The following SCAP variants were observed in gnomAD, a reference collection of about 807,000 sequenced individuals.
SCAP encodes the protein SREBF chaperone.
In SCAP, 65 loss-of-function variants were observed where a neutral mutation model predicts 123.6. The ratio of observed to expected loss-of-function variants is 0.53; its 90% CI spans 0.43 to 0.65. The LOEUF (loss-of-function observed/expected upper bound fraction) is 0.65, where lower values mean the gene tolerates loss of function less well. Among genes scored for constraint, SCAP ranks in the 30% least tolerant of loss-of-function variants. SCAP has a pLI of 0.00. For synonymous variants in SCAP, 740 were observed against 726.3 expected, an observed-to-expected ratio of 1.02 and a Z score of -0.30; for missense variants, 1,398 against 1,712.5, an observed-to-expected ratio of 0.82 and a Z score of 3.24.
chr3:47,441,969 G>A (rs184152172), intron 2 of SCAP, among the ~76,000 whole-genome samples: 77 of 141,084 alleles, frequency 5.5e-4, no homozygotes, highest in Non-Finnish European at 1.6e-4. Context: ...CAGCCTCCCA[G>A]TGTTGGAATT....
In SCAP at chr3:47,420,543, G is replaced by C. The variant is rs754228428; in HGVS notation, c.1563+11C>G. 46 of 1,576,356 alleles carry C rather than the reference G, an allele frequency of 2.9e-5. 1 individual carries two copies. The Admixed American group carries it at 5.0e-4, about 17-fold the overall frequency. On this transcript the variant is annotated intron_variant, in intron 12 of 22. Transcript: ENST00000265565. This position sits in a 1 kb window ranked among gnomAD's most constrained non-coding sequence, Gnocchi z 5.0. ...CAGAAGAGGGCAGGGCAGGGCAGGG[G>C]TGGCAGGTACCATGATGAGGCGCTG...
chr3:47,438,221 C>A (rs1006131502), intron 2 of SCAP, among the ~76,000 whole-genome samples: 5 of 152,198 alleles, frequency 3.3e-5, no homozygotes, highest in African/African-American at 1.2e-4. Context: ...ATTTTAAATA[C>A]ATTTATTATG....
chr3:47,460,840 G>A (rs1707610229), intron 1 of SCAP, among the ~76,000 whole-genome samples: 1 of 152,224 alleles, frequency 6.6e-6, no homozygotes, highest in African/African-American at 2.4e-5. Context: ...ACAGGCGTGA[G>A]CCACTGCGCC....
Position 47,419,351 on chromosome 3 carries a change from A to G in SCAP, c.1917T>C (p.Tyr639=). 6.2e-7 allele frequency: 1 copy of G among 1,612,766 alleles called. No individual in the cohort carries two copies. The highest frequency in any genetic ancestry group is 1.1e-5 in the South Asian group (1 of 90,986). ...ACCTCTTGGCCAGTGTGATGTTGTAATAGCTGAAGAGCGTCGGCCAGTGGC... is the reference window on the plus strand; with the variant it reads ...ACCTCTTGGCCAGTGTGATGTTGTAGTAGCTGAAGAGCGTCGGCCAGTGGC... ...SFRHWPTLFS[Y]YNITLAKRYI... is the part of the protein sequence containing the mutation. The change falls in exon 13 of 23, where the codon TAT becomes TAC. Residue 639 remains tyrosine, a synonymous_variant. Transcript: ENST00000265565. This position sits in a 1 kb window ranked among gnomAD's most constrained non-coding sequence, Gnocchi z 5.0.
chr3:47,452,067 T>C (rs932521232), intron 1 of SCAP, among the ~76,000 whole-genome samples: 1 of 152,198 alleles, frequency 6.6e-6, no homozygotes, highest in Non-Finnish European at 1.5e-5. Context: ...CTTGACCATA[T>C]ATTTTCCAGT....
intron 1 of SCAP, among the ~76,000 whole-genome samples, chr3:47,452,379 A>G (rs184819786): frequency 2.6e-5 from 4 of 152,240 alleles, no homozygotes; most frequent in Non-Finnish European, 5.9e-5. Context: ...CACTTGTTGA[A>G]TAAGTGATGA....
chr3:47,420,422 G>A lies in SCAP; in HGVS notation c.1563+132C>T, dbSNP rs890691216. 29 of 801,386 alleles carry A rather than the reference G, an allele frequency of 3.6e-5. No individual in the cohort carries two copies. The highest frequency in any genetic ancestry group is 7.0e-5 in the African/African-American group (4 of 57,522). 49.6% of individuals were successfully genotyped at this position (801,386 alleles called of 1,614,324 possible). On this transcript the variant is annotated intron_variant, in intron 12 of 22. Transcript: ENST00000265565. This position sits in a 1 kb window ranked among gnomAD's most constrained non-coding sequence, Gnocchi z 5.0. ...GGAGGACACAACGGGCAACTCCCCA[G>A]AGCCAGGCTTCCAGGGGCCACCAGG...
chr3:47,419,123 G>A lies in SCAP; in HGVS notation c.1940+205C>T, dbSNP rs943579098. ...GTGGGTGGGTCTCATTCTGGTGAGG[G>A]CTGGCAGCCACCAGTGACTCCTCAG... is the stretch of plus-strand genomic sequence containing the variant. On this transcript the variant is annotated intron_variant, in intron 13 of 22. Transcript: ENST00000265565. The surrounding 1 kb of genome is among the most constrained non-coding windows in gnomAD (Gnocchi z 5.0). Among the ~76,000 whole-genome samples, 5 of 152,036 alleles carry A rather than the reference G, an allele frequency of 3.3e-5. No individual in the cohort carries two copies. The highest frequency in any genetic ancestry group is 4.8e-5 in the African/African-American group (2 of 41,462).
intron 2 of SCAP, among the ~76,000 whole-genome samples, chr3:47,441,129 T>C (rs1439414410): frequency 6.6e-6 from 1 of 152,108 alleles, no homozygotes; most frequent in African/African-American, 2.4e-5. Flanking sequence ...CTCGATCGCC[T>C]GACCTCGTGA....
rs1454264687 is a variant in SCAP at position 47,452,337 on chromosome 3, AAC to A, written c.-98-9248_-98-9247del. Among the ~76,000 whole-genome samples the A allele has an allele frequency of 2.0e-5, 3 of 152,254 alleles. No individual in the cohort carries two copies. The East Asian group carries it at 5.8e-4, about 29-fold the overall frequency. The stretch of plus-strand genomic sequence containing the variant: ...CCAGGAGTTTGATGCCAGCCTGGGC[AAC>A]ACAGTGAGACCCTGTCTCTGAAAAC... On this transcript the variant is annotated intron_variant, in intron 1 of 22. Coordinates refer to ENST00000265565, the MANE Select transcript of SCAP (RefSeq NM_012235.4).
chr3:47,418,547 G>A (rs770589028), intron 14 of SCAP, 25 bp from the exon 15 acceptor site: 4 of 1,571,848 alleles, frequency 2.5e-6, no homozygotes, highest in Admixed American at 3.7e-5. Flanking sequence ...GGACTGCTGT[G>A]AGACACACCT....
In SCAP at chr3:47,418,212, A is replaced by C; in HGVS notation, c.2369T>G (p.Val790Gly). ...ECLASDGMLLVSCCLAGHVCV... is the reference protein window; with the variant it reads ...ECLASDGMLLGSCCLAGHVCV... ...GACGTGGCCTGCCAGGCAGCAGCTC[A>C]CCAGCAGCATGCCGTCGCTGGCCAG... Residue 790 changes from valine to glycine, a missense_variant, in exon 16 of 23, where the codon GTG becomes GGG. Val to Gly is a moderately radical substitution (Grantham distance 109, BLOSUM62 -3). Transcript: ENST00000265565. The C allele has an allele frequency of 6.4e-7, 1 of 1,574,338 alleles. No homozygotes were observed.
In SCAP at chr3:47,439,578, T is replaced by A. The variant is rs1278083821; in HGVS notation, c.122+3294A>T. On this transcript the variant is annotated intron_variant, in intron 2 of 22. Transcript: ENST00000265565. The surrounding 1 kb of genome is among the most constrained non-coding windows in gnomAD (Gnocchi z 4.0). The stretch of plus-strand genomic sequence containing the variant: ...GCATCTGGGTGCTCTTTTTATCCCA[T>A]GGCGCACCCACTGCTTACCAGGGCA... Among the ~76,000 whole-genome samples, 2 of 152,176 alleles carry A rather than the reference T, an allele frequency of 1.3e-5. No individual in the cohort carries two copies. Among genetic ancestry groups the A allele is most frequent in the Non-Finnish European group, 2.9e-5 (2 of 68,024 alleles).
At chr3:47,437,191 G>A (rs1706611052) in intron 2 of SCAP, among the ~76,000 whole-genome samples, 1 of 152,160 alleles carries the variant, frequency 6.6e-6, no homozygotes, top group African/African-American at 2.4e-5. Context: ...TGTAATCCCA[G>A]CACTTTGGGA....
At chr3:47,454,129 T>A (rs951018620) in intron 1 of SCAP, among the ~76,000 whole-genome samples, 9 of 151,200 alleles carry the variant, frequency 6.0e-5, no homozygotes, top group East Asian at 2.0e-4. Context: ...GCACTTTGGG[T>A]GGCCGAGGCG....
chr3:47,417,594 C>G lies in SCAP; in HGVS notation c.2680G>C (p.Glu894Gln), dbSNP rs766168592. 2 of 1,598,148 alleles carry G rather than the reference C, an allele frequency of 1.3e-6. No homozygotes were observed. Among genetic ancestry groups the G allele is most frequent in the Middle Eastern group, 1.7e-4 (1 of 6,026 alleles). Reference protein sequence around the residue: ...QPRSSQPTQPEPRHRAVCGRS... With the variant: ...QPRSSQPTQPQPRHRAVCGRS... ...CCACAGACCGCCCGGTGCCGGGGCT[C>G]GGGCTGAGTGGGCTGTGAGGACCGA... The change falls in exon 17 of 23, where the codon GAG becomes CAG. Residue 894 changes from glutamate (E) to glutamine (Q), a missense_variant. Physicochemically the swap from Glu to Gln is conservative, Grantham distance 29 (BLOSUM62 2). Around this residue, in one of 7 missense-constraint regions of SCAP, gnomAD observed 828 missense variants for 882.5 expected, o/e 0.94. Coordinates refer to ENST00000265565, the MANE Select transcript of SCAP (RefSeq NM_012235.4).
At chr3:47,441,176 A>G (rs1368247308) in intron 2 of SCAP, among the ~76,000 whole-genome samples, 1 of 152,174 alleles carries the variant, frequency 6.6e-6, no homozygotes, top group Non-Finnish European at 1.5e-5. Flanking sequence ...CTGGGATTAC[A>G]GCCGTGAGCC....
chr3:47,417,846 A>AGTGAGAGGGGGCACGGCGGAGGGGG lies in SCAP; in HGVS notation c.2448-21_2448-20insCCCCCTCCGCCGTGCCCCCTCTCAC, dbSNP rs1559538928. 9.2e-7 allele frequency: 1 copy of AGTGAGAGGGGGCACGGCGGAGGGGG among 1,082,796 alleles called. No individual in the cohort carries two copies. The highest frequency in any genetic ancestry group is 1.6e-5 in the South Asian group (1 of 61,278). 67.1% of individuals were successfully genotyped at this position (1,082,796 alleles called of 1,614,324 possible). ...TGCCTGCTGGGGGCCAGGAGGGCGG[A>AGTGAGAGGGGGCACGGCGGAGGGGG]GTGAGAGGGGGCACGGGGGAGGGGG... is the stretch of plus-strand genomic sequence containing the variant. On this transcript the variant is annotated intron_variant, in intron 16 of 22. Transcript: ENST00000265565.
At position 47,418,486 on chromosome 3, in the gene SCAP, C is replaced by G. The variant is rs1455394069; in HGVS notation, c.2166G>C (p.Leu722Phe). ...GGTAGAGGCAGAGCAGCAGCAGCAC[C>G]AAGACGATGCCGGTGGCCAGGCCCA... ...AALGLATGIV[L>F]VLLLLCLYRV... The change falls in exon 15 of 23, where the codon TTG (leucine) becomes TTC (phenylalanine). Residue 722 changes from leucine (L) to phenylalanine (F), a missense_variant. By Grantham distance (22) the Leu-to-Phe change is conservative. Around this residue, in one of 7 missense-constraint regions of SCAP, gnomAD observed 828 missense variants for 882.5 expected, o/e 0.94. Coordinates refer to ENST00000265565, the MANE Select transcript of SCAP (RefSeq NM_012235.4). 2 of 1,600,122 alleles carry G rather than the reference C, an allele frequency of 1.2e-6. No individual in the cohort carries two copies. The highest frequency in any genetic ancestry group is 1.7e-5 in the Admixed American group (1 of 58,604).
Sources: allele counts gnomAD v4.1 joint callset (sites outside exome capture counted in the v4.1 genomes callset), GRCh38; gene constraint gnomAD v4.1.1; regional missense constraint gnomAD v4.1.1; non-coding constraint Gnocchi (gnomAD v3.1); transcripts MANE v1.5; gene names NCBI Gene and HGNC (gene_info 2026-07-23, HGNC 2026-07-21).